ZNF674: variants seen among roughly 807,000 people sequenced by gnomAD.
ZNF674 encodes zinc finger family member 674.
In ZNF674, 2 loss-of-function variants were observed where a neutral mutation model predicts 7.0. The observed-to-expected ratio is 0.29, with a 90% CI of 0.12 to 0.90. The LOEUF is 0.90. Among genes scored for constraint, ZNF674 ranks in the 40% least tolerant of loss-of-function variants. The pLI, the probability that ZNF674 is intolerant of heterozygous loss-of-function variation, is 0.57. For missense variants in ZNF674, 297 were observed against 415.5 expected (o/e 0.71, Z 2.48); for synonymous variants, 103 against 145.2 (o/e 0.71, Z 2.09).
rs1421891430 is a variant in ZNF674, at chrX:46,508,999, C to G, written c.239-7664G>C. 6.3e-5 allele frequency among the ~76,000 whole-genome samples: 7 copies of G among 110,780 alleles called. No homozygotes were observed. The Admixed American group carries it at 6.8e-4, about 11-fold the overall frequency. ...AATAATGCCGCATATCGACAACTAT[C>G]TGATCTTTGACAAACCTGAGAAAAA... is the stretch of plus-strand genomic sequence containing the variant. On this transcript the variant is annotated intron_variant, in intron 5 of 5. Transcript: ENST00000683375.
chrX:46,528,010 A>G (rs1391830620), intron 5 of ZNF674: 2 of 327,194 alleles, frequency 6.1e-6, no homozygotes, highest in African/African-American at 5.3e-5. Context: ...ACAAGAAGGG[A>G]GAAAAAGTTC....
Position 46,542,074 on chromosome X carries a change from T to C in ZNF674, c.14A>G (p.Gln5Arg), listed in dbSNP as rs765985400. The stretch of plus-strand genomic sequence containing the variant: ...AAGTAGGGGTACATTAGAACTCACC[T>C]GGGACATGGCCATCTTGTTGTGCTC... MAMS[Q>R]ESLTFKDVFV... Residue 5 changes from glutamine (Q) to arginine (R), a missense_variant and splice_region_variant, in exon 3 of 6, where the codon CAG (glutamine) becomes CGG (arginine). Physicochemically the swap from Gln to Arg is conservative, Grantham distance 43 (BLOSUM62 1). Coordinates refer to ENST00000683375, the MANE Select transcript of ZNF674 (RefSeq NM_001190417.2). 27 of 1,204,170 alleles carry C rather than the reference T, an allele frequency of 2.2e-5. No homozygotes were observed. In the East Asian group the frequency reaches 7.7e-4, roughly 34 times the overall value.
chrX:46,543,797 A>C (rs746803701), intron 2 of ZNF674, among the ~76,000 whole-genome samples: 142 of 112,740 alleles, frequency 1.3e-3, no homozygotes, highest in Non-Finnish European at 1.0e-3. Flanking sequence ...GTAGCTTAGC[A>C]GGTCATGTCC....
At chrX:46,538,790 G>C (rs1942244049) in intron 3 of ZNF674, among the ~76,000 whole-genome samples, 1 of 110,533 alleles carries the variant, frequency 9.0e-6, no homozygotes, top group Non-Finnish European at 1.9e-5. Flanking sequence ...TACTTGGGAG[G>C]CTGAGGTGGA....
intron 2 of ZNF674, among the ~76,000 whole-genome samples, chrX:46,543,581 C>T (rs1942328798): frequency 9.0e-6 from 1 of 111,380 alleles, no homozygotes; most frequent in South Asian, 3.7e-4. Flanking sequence ...GCCTGCTTCC[C>T]TGCATCCACC....
chrX:46,523,166 C>A (rs1264592900), intron 5 of ZNF674: 2 of 238,625 alleles, frequency 8.4e-6, no homozygotes. Context: ...CAAAAATAAA[C>A]ACAATCAAAA....
At chrX:46,505,609 A>G (rs1339317491) in intron 5 of ZNF674, among the ~76,000 whole-genome samples, 1 of 111,215 alleles carries the variant, frequency 9.0e-6, no homozygotes, top group Non-Finnish European at 1.9e-5. Context: ...TGTCTCTACT[A>G]AAAATACAAA....
At chrX:46,539,569 A>C (rs991989698) in intron 3 of ZNF674, among the ~76,000 whole-genome samples, 1 of 112,890 alleles carries the variant, frequency 8.9e-6, no homozygotes, top group Non-Finnish European at 1.9e-5. Flanking sequence ...CATGCAATGA[A>C]ATACCAAGCA....
rs201443183 is a variant in ZNF674, at chrX:46,499,799, A to G, written c.*44T>C. 1.0e-6 allele frequency: 1 copy of G among 983,447 alleles called. No homozygotes were observed. Among genetic ancestry groups the G allele is most frequent in the East Asian group, 3.2e-5 (1 of 31,173 alleles). The allele number at this position is 983,447 out of a possible 1,213,427, so 81.0% of individuals were successfully genotyped here. ...AAATAATGAGACTAGTAATAGTCAAATGACAAATAACTACTAGTATAATTA... is the reference window on the plus strand; with the variant it reads ...AAATAATGAGACTAGTAATAGTCAAGTGACAAATAACTACTAGTATAATTA... On this transcript the variant is annotated 3_prime_UTR_variant, in exon 6 of 6. Transcript: ENST00000683375.
At chrX:46,528,533 G>A (rs1942050810) in intron 4 of ZNF674, 88 bp from the exon 5 acceptor site, 9 of 1,052,960 alleles carry the variant, frequency 8.5e-6, no homozygotes, top group South Asian at 7.6e-5. Context: ...AAGGTGGCAC[G>A]GCCTCGGTGA....
At chrX:46,526,205 G>A (rs1395952713) in intron 5 of ZNF674, among the ~76,000 whole-genome samples, 2 of 112,066 alleles carry the variant, frequency 1.8e-5, no homozygotes, top group African/African-American at 6.5e-5. Flanking sequence ...CATACTTCCT[G>A]ATTTGAACAC....
intron 5 of ZNF674, among the ~76,000 whole-genome samples, chrX:46,511,911 T>C (rs932256197): frequency 1.8e-5 from 2 of 110,289 alleles, no homozygotes; most frequent in East Asian, 5.7e-4. Context: ...TAATCCCAGC[T>C]ACTCAGGAGG....
At chrX:46,540,511 T>C in intron 3 of ZNF674, among the ~76,000 whole-genome samples, 1 of 112,084 alleles carries the variant, frequency 8.9e-6, no homozygotes. Flanking sequence ...TAGTATCCTC[T>C]TCAAATTTCA....
Position 46,510,679 on chromosome X carries a change from T to C in ZNF674, c.239-9344A>G, listed in dbSNP as rs183355932. 4.1e-3 allele frequency among the ~76,000 whole-genome samples: 463 copies of C among 111,700 alleles called. 4 individuals are homozygous for C. Among genetic ancestry groups the C allele is most frequent in the African/African-American group, 0.014 (438 of 30,755 alleles). ...GGTGGTGGATGCCTATAATCCCAGA[T>C]ACTTGGGAGGCTGAGGCAGGAGAAT... is the stretch of plus-strand genomic sequence containing the variant. On this transcript the variant is annotated intron_variant, in intron 5 of 5. Transcript: ENST00000683375.
intron 5 of ZNF674, among the ~76,000 whole-genome samples, chrX:46,527,133 G>A (rs1481599254): frequency 1.8e-5 from 2 of 109,888 alleles, no homozygotes; most frequent in African/African-American, 6.6e-5. Flanking sequence ...GCATGGTGGC[G>A]GGTGCCTGTA....
chrX:46,534,004 G>C (rs1942160603), intron 3 of ZNF674, among the ~76,000 whole-genome samples: 2 of 107,029 alleles, frequency 1.9e-5, no homozygotes, highest in Non-Finnish European at 3.8e-5. Context: ...AGCATGGCTG[G>C]GGAGGCCTCA....
chrX:46,513,765 TTAAAAG>T (rs1453219788), intron 5 of ZNF674, among the ~76,000 whole-genome samples: 4 of 111,788 alleles, frequency 3.6e-5, no homozygotes, highest in Non-Finnish European at 5.6e-5. Context: ...AACATACCCT[TTAAAAG>T]CATAAGAGTG....
At chrX:46,522,414 C>T (rs1312944486) in intron 5 of ZNF674, among the ~76,000 whole-genome samples, 1 of 111,265 alleles carries the variant, frequency 9.0e-6, no homozygotes, top group Non-Finnish European at 1.9e-5. Flanking sequence ...ACCTGTAATC[C>T]CACACTTTAG....
chrX:46,519,174 G>C (rs750485767), intron 5 of ZNF674, among the ~76,000 whole-genome samples: 6 of 108,765 alleles, frequency 5.5e-5, no homozygotes, highest in Non-Finnish European at 1.1e-4. Flanking sequence ...CTGCACTCCA[G>C]CCTGGGCAAC....
Sources: gnomAD v4.1 joint callset for allele counts (sites outside exome capture counted in the v4.1 genomes callset) on GRCh38, gnomAD v4.1.1 for gene constraint, MANE v1.5 for transcripts, NCBI Gene and HGNC (gene_info 2026-07-23, HGNC 2026-07-21) for gene names.